SGCD: variants seen among roughly 807,000 people sequenced by gnomAD.
SGCD encodes the protein delta-sarcoglycan.
In SGCD, 18 loss-of-function variants were observed where a neutral mutation model predicts 36.6. The observed-to-expected ratio is 0.49, with a 90% CI of 0.34 to 0.73. The LOEUF (loss-of-function observed/expected upper bound fraction) is 0.73, where lower values mean the gene tolerates loss of function less well. Ranked by LOEUF, SGCD falls within the 30% of genes least tolerant of loss-of-function variation. The probability of loss-of-function intolerance (pLI) is 0.01; values close to 1 mark genes in which losing one functional copy is unlikely to be tolerated. For synonymous variants in SGCD, 133 were observed against 130.6 expected, an observed-to-expected ratio of 1.02 and a Z score of -0.12; for missense variants, 387 against 346.7, an observed-to-expected ratio of 1.12 and a Z score of -0.92.
chr5:156,554,048 G>A (rs1758902019), intron 4 of SGCD, among the ~76,000 whole-genome samples: 1 of 152,146 alleles, frequency 6.6e-6, no homozygotes, highest in South Asian at 2.1e-4. Context: ...GAAAACAAGT[G>A]AGTGCAGTGC....
rs182509322 is a variant in SGCD at position 156,268,741 on chromosome 5, C to T, written c.-43-60793C>T. On this transcript the variant is annotated intron_variant, in intron 3 of 9. Coordinates refer to the SGCD transcript ENST00000517913. ...CTGAGTAGCTGGGATTAGAGGCATG[C>T]GCCATCACGCCTGGCAAATTTTTGT... is the stretch of plus-strand genomic sequence containing the variant. 1.6e-4 allele frequency among the ~76,000 whole-genome samples: 25 copies of T among 152,196 alleles called. No individual in the cohort carries two copies. In the East Asian group the frequency reaches 2.5e-3, roughly 15 times the overall value.
chr5:156,219,721 G>C (rs1176095837), intron 3 of SGCD, among the ~76,000 whole-genome samples: 2 of 152,184 alleles, frequency 1.3e-5, no homozygotes, highest in Non-Finnish European at 2.9e-5. Flanking sequence ...TGCCATTTCT[G>C]CTATCTAGAC....
At chr5:155,785,777 T>C in the SGCD span, among the ~76,000 whole-genome samples, 1 of 152,220 alleles carries the variant, frequency 6.6e-6, no homozygotes, top group Non-Finnish European at 1.5e-5. Flanking sequence ...AATACCCTGC[T>C]AGTACTTTAG....
intron 3 of SGCD, among the ~76,000 whole-genome samples, chr5:156,139,560 A>G (rs1277867219): frequency 6.6e-6 from 1 of 152,136 alleles, no homozygotes; most frequent in African/African-American, 2.4e-5. Flanking sequence ...TGATCCTCTT[A>G]GACTTCTTTG....
At chr5:156,302,244 C>T (rs922521694) in intron 3 of SGCD, among the ~76,000 whole-genome samples, 2 of 151,804 alleles carry the variant, frequency 1.3e-5, no homozygotes, top group Non-Finnish European at 1.5e-5. Context: ...TTTCAAGTAG[C>T]CTGTCTTCAG....
At chr5:155,959,845 T>G (rs1348510190) in intron 1 of SGCD, among the ~76,000 whole-genome samples, 1 of 152,092 alleles carries the variant, frequency 6.6e-6, no homozygotes, top group East Asian at 1.9e-4. Context: ...CCACATTTTT[T>G]CAACTTGAGG....
At chr5:156,098,639 T>TACACAC (rs35247485) in intron 1 of SGCD, among the ~76,000 whole-genome samples, 4,602 of 149,384 alleles carry the variant, frequency 0.031, 80 homozygotes, top group African/African-American at 0.048. Context: ...TGCATGTGTA[T>TACACAC]ACACACACAC....
intron 1 of SGCD, among the ~76,000 whole-genome samples, chr5:156,003,281 G>T (rs1342253627): frequency 6.6e-6 from 1 of 152,140 alleles, no homozygotes; most frequent in Non-Finnish European, 1.5e-5. Context: ...CTCTCTACTG[G>T]TTCATCACTT....
At chr5:156,519,001 G>A (rs1757296184) in intron 4 of SGCD, among the ~76,000 whole-genome samples, 1 of 151,796 alleles carries the variant, frequency 6.6e-6, no homozygotes, top group African/African-American at 2.4e-5. Context: ...ACCAAAATCA[G>A]GGCAGAACTG....
chr5:156,570,259 G>A (rs1331942022), intron 4 of SGCD, among the ~76,000 whole-genome samples: 1 of 152,048 alleles, frequency 6.6e-6, no homozygotes, highest in Non-Finnish European at 1.5e-5. Context: ...CATTATTTTT[G>A]CAAATGGTTT....
intron 3 of SGCD, among the ~76,000 whole-genome samples, chr5:156,196,834 C>G (rs1335678641): frequency 6.6e-6 from 1 of 152,174 alleles, no homozygotes; most frequent in African/African-American, 2.4e-5. Flanking sequence ...TGCCTTAGCA[C>G]ACTAAACTAT....
intron 1 of SGCD, among the ~76,000 whole-genome samples, chr5:156,073,668 G>A (rs1760666371): frequency 6.6e-6 from 1 of 152,198 alleles, no homozygotes; most frequent in African/African-American, 2.4e-5. Context: ...TTGATGCTTA[G>A]GGCTGTGAGA....
At chr5:156,077,099 G>A (rs1760806382) in intron 1 of SGCD, among the ~76,000 whole-genome samples, 1 of 151,858 alleles carries the variant, frequency 6.6e-6, no homozygotes, top group Admixed American at 6.6e-5. Context: ...CGTTTTTCTG[G>A]ATCGTCACGT....
At chr5:155,831,660 C>T in the SGCD span, among the ~76,000 whole-genome samples, 37 of 152,332 alleles carry the variant, frequency 2.4e-4, no homozygotes, top group African/African-American at 7.0e-4. Flanking sequence ...AGGCATCCCC[C>T]GTCACAAATC....
chr5:155,784,987 TA>T, the SGCD span, among the ~76,000 whole-genome samples: 1 of 152,136 alleles, frequency 6.6e-6, no homozygotes, highest in African/African-American at 2.4e-5. Flanking sequence ...TATGAATTTG[TA>T]GTGAGTTTGA....
At chr5:156,508,510 A>T in intron 3 of SGCD, 91 bp from the exon 4 acceptor site, 1 of 715,640 alleles carries the variant, frequency 1.4e-6, no homozygotes, top group Non-Finnish European at 2.4e-6. Context: ...ATTAAAAAAA[A>T]AAAAGGCTAT....
At chr5:156,220,296 C>A (rs376685989) in intron 3 of SGCD, among the ~76,000 whole-genome samples, 1 of 152,108 alleles carries the variant, frequency 6.6e-6, no homozygotes, top group African/African-American at 2.4e-5. Flanking sequence ...TAGCAAGGTA[C>A]GTTGGAGTTT....
chr5:155,736,460 C>T, the SGCD span, among the ~76,000 whole-genome samples: 1 of 152,158 alleles, frequency 6.6e-6, no homozygotes, highest in East Asian at 1.9e-4. Context: ...CTTTATTCCC[C>T]TAACACCATA....
chr5:156,499,077 T>C (rs895348801), intron 3 of SGCD, among the ~76,000 whole-genome samples: 1 of 152,114 alleles, frequency 6.6e-6, no homozygotes, highest in Non-Finnish European at 1.5e-5. Context: ...CAGTAGAAGC[T>C]TAATAGTGTA....
Sources: gnomAD v4.1 joint callset for allele counts (sites outside exome capture counted in the v4.1 genomes callset) on GRCh38, gnomAD v4.1.1 for gene constraint, MANE v1.5 for transcripts, NCBI Gene and HGNC (gene_info 2026-07-23, HGNC 2026-07-21) for gene names.